COPA: variants seen among roughly 807,000 people sequenced by gnomAD.
The protein encoded by COPA is coatomer subunit alpha.
In COPA, 10 loss-of-function variants were observed where a neutral mutation model predicts 158.7. That is an observed-to-expected ratio of 0.06 (90% CI 0.04 to 0.11). The LOEUF (loss-of-function observed/expected upper bound fraction) is 0.11, where lower values mean the gene tolerates loss of function less well. COPA is among the 10% of genes least tolerant of loss of function. The pLI is 1.00. For synonymous variants in COPA, 462 were observed against 542.8 expected (o/e 0.85, Z 2.07); for missense variants, 1,065 against 1,536.7 (o/e 0.69, Z 5.13).
chr1:160,324,448 G>T (rs1479208119), intron 7 of COPA, among the ~76,000 whole-genome samples: 1 of 141,610 alleles, frequency 7.1e-6, no homozygotes, highest in African/African-American at 2.7e-5. Context: ...GCACCACCAC[G>T]CCCAGCTAAT....
intron 7 of COPA, among the ~76,000 whole-genome samples, chr1:160,324,570 T>C (rs1659433604): frequency 6.6e-6 from 1 of 151,808 alleles, no homozygotes; most frequent in Non-Finnish European, 1.5e-5. Flanking sequence ...AGTGCTGAGA[T>C]TACAGGTGTG....
At chr1:160,303,953 G>A (rs1310593933) in intron 17 of COPA, among the ~76,000 whole-genome samples, 5 of 152,044 alleles carry the variant, frequency 3.3e-5, no homozygotes, top group East Asian at 1.9e-4. Context: ...ATACCATTAC[G>A]CATCCATCAG....
intron 27 of COPA, 119 bp downstream of exon 27, chr1:160,293,047 T>A: frequency 5.7e-6 from 6 of 1,046,110 alleles, no homozygotes; most frequent in Non-Finnish European, 8.6e-6. Context: ...AGAGTTTTCA[T>A]GAAAAATATA....
intron 17 of COPA, among the ~76,000 whole-genome samples, chr1:160,303,994 C>G (rs1473237308): frequency 6.6e-6 from 1 of 151,812 alleles, no homozygotes; most frequent in African/African-American, 2.4e-5. Context: ...CCAAACTTGT[C>G]AAGAAGACAA....
rs1337700856 is a variant in COPA at position 160,297,345 on chromosome 1, T to C, written c.2261A>G (p.Gln754Arg). ...GCTGGCAAGTCTCGGATACTTACTC[T>C]GTCCACAGTTCTTCAGGATCCGCAC... is the stretch of plus-strand genomic sequence containing the variant. ...ERVRILKNCG[Q>R]KSLAYLTAAT... The change falls in exon 21 of 33, where the codon CAG (glutamine) becomes CGG (arginine). Residue 754 changes from glutamine to arginine, a missense_variant and splice_region_variant. Transcript: ENST00000241704. The C allele has an allele frequency of 2.5e-6, 4 of 1,613,960 alleles. No individual in the cohort carries two copies. In the East Asian group the frequency reaches 6.7e-5, roughly 27 times the overall value.
chr1:160,293,498 T>A (rs1251949098), intron 25 of COPA, 35 bp from the exon 26 acceptor site: 1 of 888,154 alleles, frequency 1.1e-6, no homozygotes, highest in Non-Finnish European at 1.5e-6. Context: ...ATTGAGTAAT[T>A]TTTTTTTTTT....
At chr1:160,304,379 T>TTCACAGCTGGGCGCGGTGGC (rs1658712527) in intron 17 of COPA, among the ~76,000 whole-genome samples, 1 of 151,078 alleles carries the variant, frequency 6.6e-6, no homozygotes, top group African/African-American at 2.4e-5. Context: ...GAAAAGCAGT[T>TTCACAGCTGGGCGCGGTGGC]TCACAGCTGG....
chr1:160,291,650 G>A (rs1452910354), intron 30 of COPA, among the ~76,000 whole-genome samples, 154 bp from the exon 31 acceptor site: 3 of 147,320 alleles, frequency 2.0e-5, no homozygotes, highest in Non-Finnish European at 2.9e-5. Flanking sequence ...TGGAGGACTG[G>A]TGAGATGAGG....
chr1:160,321,128 T>C (rs910564327), intron 8 of COPA, among the ~76,000 whole-genome samples: 1 of 152,148 alleles, frequency 6.6e-6, no homozygotes, highest in Non-Finnish European at 1.5e-5. Flanking sequence ...TGAAAAAACA[T>C]TGGATAAAAT....
rs1557861348 is a variant in COPA, at chr1:160,295,878, GA to G, written c.2353-20del. 1.3e-6 allele frequency: 2 copies of G among 1,593,674 alleles called. No homozygotes were observed. Among genetic ancestry groups the G allele is most frequent in the South Asian group, 2.3e-5 (2 of 87,212 alleles). ...CTGGGATCTGAATAGTAGAAGAAAA[GA>G]GGCTAAAAACAAATAGCACTTGGAA... On this transcript the variant is annotated intron_variant, in intron 22 of 32. Transcript: ENST00000241704.
At chr1:160,295,610 T>C in intron 23 of COPA, 126 bp downstream of exon 23, 1 of 994,920 alleles carries the variant, frequency 1.0e-6, no homozygotes, top group Non-Finnish European at 1.4e-6. Context: ...ATGACTGGCA[T>C]TTCAATATTC....
At chr1:160,322,981 G>GCA (rs1305708336) in intron 8 of COPA, among the ~76,000 whole-genome samples, 1 of 143,748 alleles carries the variant, frequency 7.0e-6, no homozygotes, top group African/African-American at 2.9e-5. Context: ...AATTACATAC[G>GCA]CGCACGTGCA....
intron 4 of COPA, among the ~76,000 whole-genome samples, 194 bp from the exon 5 acceptor site, chr1:160,333,873 T>G (rs1426634066): frequency 2.0e-5 from 3 of 152,226 alleles, no homozygotes; most frequent in Non-Finnish European, 4.4e-5. Flanking sequence ...CTTCGGCACT[T>G]TCACCTATAA....
In COPA at chr1:160,297,574, G is replaced by T. The variant is rs555657245; in HGVS notation, c.2149C>A (p.Arg717Ser). 1 of 1,614,032 alleles carries T rather than the reference G, an allele frequency of 6.2e-7. No homozygotes were observed. Among genetic ancestry groups the T allele is most frequent in the Non-Finnish European group, 8.5e-7 (1 of 1,179,968 alleles). The change falls in exon 20 of 33, where the codon CGC becomes AGC. Residue 717 changes from arginine to serine, a missense_variant. Arg to Ser is a moderately radical substitution (Grantham distance 110). Coordinates refer to ENST00000241704, the MANE Select transcript of COPA (RefSeq NM_004371.4). ...YLITGNLEKL[R>S]KMMKIAEIRK... ...GCCTCACCAATCTTCATCATCTTGC[G>T]AAGTTTTTCTAAGTTGCCAGTGATA...
At chr1:160,304,650 C>A (rs1249344224) in intron 17 of COPA, among the ~76,000 whole-genome samples, 1 of 151,602 alleles carries the variant, frequency 6.6e-6, no homozygotes, top group South Asian at 2.1e-4. Context: ...GGCGAGACTC[C>A]GTTTCAGAAA....
intron 25 of COPA, among the ~76,000 whole-genome samples, chr1:160,294,012 G>C (rs1421983802): frequency 6.6e-6 from 1 of 152,198 alleles, no homozygotes; most frequent in Admixed American, 6.5e-5. Context: ...GCTGCTGGCA[G>C]AACGCTGATT....
chr1:160,301,816 A>AT (rs1658613882), intron 17 of COPA, among the ~76,000 whole-genome samples: 1 of 152,018 alleles, frequency 6.6e-6, no homozygotes, highest in Admixed American at 6.5e-5. Context: ...AAATAAATAA[A>AT]TTCAACATTT....
intron 14 of COPA, among the ~76,000 whole-genome samples, chr1:160,306,901 C>T (rs1044650394): frequency 2.6e-5 from 4 of 152,254 alleles, no homozygotes; most frequent in African/African-American, 4.8e-5. Context: ...AGATTTGATG[C>T]GTTTTGGGCT....
chr1:160,318,274 T>C (rs939616597), intron 8 of COPA, among the ~76,000 whole-genome samples: 5 of 152,184 alleles, frequency 3.3e-5, no homozygotes, highest in African/African-American at 9.6e-5. Flanking sequence ...AAAGGCATTT[T>C]AAGATTTTTT....
Sources: allele counts gnomAD v4.1 joint callset (sites outside exome capture counted in the v4.1 genomes callset), GRCh38; gene constraint gnomAD v4.1.1; transcripts MANE v1.5; gene names NCBI Gene and HGNC (gene_info 2026-07-23, HGNC 2026-07-21).